The following KIF13A variants were observed in gnomAD, a reference collection of about 807,000 sequenced individuals.
The protein encoded by KIF13A is kinesin-like protein KIF13A.
In KIF13A, 79 loss-of-function variants were observed where a neutral mutation model predicts 212.2. That is an observed-to-expected ratio of 0.37 (90% confidence interval 0.31 to 0.45). The LOEUF (loss-of-function observed/expected upper bound fraction) is 0.45. Ranked by LOEUF, KIF13A falls within the 20% of genes least tolerant of loss-of-function variation. KIF13A has a pLI of 1.00. For synonymous variants in KIF13A, 789 were observed against 808.6 expected, an observed-to-expected ratio of 0.98 and a Z score of 0.41; for missense variants, 1,901 against 2,209.0, an observed-to-expected ratio of 0.86 and a Z score of 2.79.
rs557066417 is a variant in KIF13A at position 17,775,849 on chromosome 6, AT to A, written c.4171-788del. On this transcript the variant is annotated intron_variant, in intron 34 of 38. Coordinates refer to ENST00000259711, the MANE Select transcript of KIF13A (RefSeq NM_022113.6). ...TGATCAGATTGAGGTTGAAAAAAAT[AT>A]TTTTTTTTTTAGATTACTTCATAAG... Among the ~76,000 whole-genome samples, 83 of 147,728 alleles carry A rather than the reference AT, an allele frequency of 5.6e-4. 1 individual carries two copies. In the South Asian group the frequency reaches 0.013, roughly 22 times the overall value.
At chr6:17,784,707 AC>A (rs1472628933) in intron 28 of KIF13A, among the ~76,000 whole-genome samples, 1 of 152,122 alleles carries the variant, frequency 6.6e-6, no homozygotes, top group East Asian at 1.9e-4. Context: ...GAGGGCCAGA[AC>A]AAGATTGGGG....
chr6:17,983,591 C>G (rs1781294338), intron 2 of KIF13A, among the ~76,000 whole-genome samples: 1 of 151,842 alleles, frequency 6.6e-6, no homozygotes, highest in Non-Finnish European at 1.5e-5. Context: ...CGCCAAGGCT[C>G]AGGCGATTCT....
rs538187688 is a variant in KIF13A, at chr6:17,848,754, G to C, written c.830+623C>G. Among the ~76,000 whole-genome samples the C allele has an allele frequency of 6.5e-4, 98 of 151,626 alleles. 3 individuals are homozygous for C. The Middle Eastern group carries it at 0.017, about 26-fold the overall frequency. On this transcript the variant is annotated intron_variant, in intron 9 of 38. Transcript: ENST00000259711. ...CTAATTTTTGTGTTTTAGTAGAGAGGGGGTAGAGATGGGTACAAACGGGGT... is the reference window on the plus strand; with the variant it reads ...CTAATTTTTGTGTTTTAGTAGAGAGCGGGTAGAGATGGGTACAAACGGGGT...
intron 2 of KIF13A, among the ~76,000 whole-genome samples, chr6:17,970,341 C>A (rs933584249): frequency 2.7e-5 from 4 of 147,386 alleles, no homozygotes; most frequent in African/African-American, 1.0e-4. Flanking sequence ...GTGACTCATG[C>A]CTGTAATCCC....
rs1766753077 is a variant in KIF13A at position 17,843,825 on chromosome 6, A to T, written c.830+5552T>A. On this transcript the variant is annotated intron_variant, in intron 9 of 38. Coordinates refer to ENST00000259711, the MANE Select transcript of KIF13A (RefSeq NM_022113.6). The surrounding 1 kb of genome is among the most constrained non-coding windows in gnomAD (Gnocchi z 5.3). Reference sequence around the variant, plus strand: ...TTTTGGAGGCCGAGGGGGGCACATCACCTGAGGTCAGGAGTTTGAGACCAG... The same window carrying T: ...TTTTGGAGGCCGAGGGGGGCACATCTCCTGAGGTCAGGAGTTTGAGACCAG... Among the ~76,000 whole-genome samples, 1 of 152,110 alleles carries T rather than the reference A, an allele frequency of 6.6e-6. No homozygotes were observed. The highest frequency in any genetic ancestry group is 1.5e-5 in the Non-Finnish European group (1 of 68,024).
At chr6:17,905,100 T>C (rs182459784) in intron 2 of KIF13A, among the ~76,000 whole-genome samples, 48 of 152,356 alleles carry the variant, frequency 3.2e-4, no homozygotes, top group Middle Eastern at 3.4e-3. Flanking sequence ...CAAACTTTCT[T>C]AAAACATTAT....
intron 2 of KIF13A, among the ~76,000 whole-genome samples, chr6:17,944,210 C>T (rs1201887291): frequency 6.6e-6 from 1 of 152,158 alleles, no homozygotes; most frequent in Non-Finnish European, 1.5e-5. Context: ...TGATTCAATG[C>T]TTTATGTAAC....
chr6:17,801,067 C>T (rs1762436321), intron 20 of KIF13A, among the ~76,000 whole-genome samples: 1 of 151,886 alleles, frequency 6.6e-6, no homozygotes, highest in African/African-American at 2.4e-5. Flanking sequence ...CTCACCTATT[C>T]ATGTGAGTGA....
At chr6:17,823,977 A>T (rs1337479675) in intron 16 of KIF13A, among the ~76,000 whole-genome samples, 2 of 141,380 alleles carry the variant, frequency 1.4e-5, no homozygotes, top group Non-Finnish European at 1.5e-5. Flanking sequence ...CAGTGATGCG[A>T]TCTTGGCTCA....
At position 17,838,776 on chromosome 6, in the gene KIF13A, G is replaced by C. The variant is rs1199243926; in HGVS notation, c.831-1193C>G. Among the ~76,000 whole-genome samples, 1 of 152,158 alleles carries C rather than the reference G, an allele frequency of 6.6e-6. No homozygotes were observed. ...GAATGGACAATGGAGACTTGGAAGG[G>C]TGAGGGAGTGGAAGGGGAGAGGATG... is the stretch of plus-strand genomic sequence containing the variant. On this transcript the variant is annotated intron_variant, in intron 9 of 38. Coordinates refer to ENST00000259711, the MANE Select transcript of KIF13A (RefSeq NM_022113.6). The surrounding 1 kb of genome is among the most constrained non-coding windows in gnomAD (Gnocchi z 4.2).
intron 34 of KIF13A, 38 bp from the exon 35 acceptor site, chr6:17,775,100 T>A: frequency 6.5e-7 from 1 of 1,537,304 alleles, no homozygotes; most frequent in Non-Finnish European, 8.9e-7. Context: ...GTGGTTTATA[T>A]ATTTAATATA....
chr6:17,987,266 C>A lies in KIF13A; in HGVS notation c.56-122G>T. ...GCGGCCGAGCCTGGAGACGGCGCCC[C>A]GGGCACCACGGCCAGCGCGGACGCC... On this transcript the variant is annotated intron_variant, in intron 1 of 38. Coordinates refer to ENST00000259711, the MANE Select transcript of KIF13A (RefSeq NM_022113.6). The surrounding 1 kb of genome is among the most constrained non-coding windows in gnomAD (Gnocchi z 7.7). 1.2e-6 allele frequency: 1 copy of A among 855,656 alleles called. No individual in the cohort carries two copies. The highest frequency in any genetic ancestry group is 5.0e-5 in the South Asian group (1 of 19,958). The allele number at this position is 855,656 out of a possible 1,614,324, so 53.0% of individuals were successfully genotyped here.
intron 2 of KIF13A, among the ~76,000 whole-genome samples, chr6:17,938,978 A>T (rs565157462): frequency 6.6e-6 from 1 of 152,208 alleles, no homozygotes; most frequent in African/African-American, 2.4e-5. Context: ...ATGATGGTAA[A>T]GAGATGAGTC....
At position 17,792,083 on chromosome 6, in the gene KIF13A, A is replaced by G. The variant is rs1389938018; in HGVS notation, c.3222+2166T>C. Among the ~76,000 whole-genome samples, 7 of 150,026 alleles carry G rather than the reference A, an allele frequency of 4.7e-5. No homozygotes were observed. In the Admixed American group the frequency reaches 4.7e-4, roughly 10 times the overall value. On this transcript the variant is annotated intron_variant, in intron 25 of 38. Coordinates refer to ENST00000259711, the MANE Select transcript of KIF13A (RefSeq NM_022113.6). Reference sequence around the variant, plus strand: ...ACAGGTGCGTTGGCAGGTGCCCGTAATCCCAGCTACTCTGGAGACTGAGGC... The same window carrying G: ...ACAGGTGCGTTGGCAGGTGCCCGTAGTCCCAGCTACTCTGGAGACTGAGGC...
At chr6:17,907,607 G>A (rs1448053759) in intron 2 of KIF13A, among the ~76,000 whole-genome samples, 7 of 151,392 alleles carry the variant, frequency 4.6e-5, no homozygotes, top group Non-Finnish European at 1.5e-5. Flanking sequence ...GGCTGCAAAC[G>A]ACTACTTCCT....
At chr6:17,854,543 ATAATTTT>A (rs1767963909) in intron 6 of KIF13A, among the ~76,000 whole-genome samples, 6 of 131,566 alleles carry the variant, frequency 4.6e-5, no homozygotes, top group African/African-American at 1.7e-4. Flanking sequence ...TTAAATCAGT[ATAATTTT>A]TTTTTTTTTT....
At chr6:17,907,045 G>A (rs1445206577) in intron 2 of KIF13A, among the ~76,000 whole-genome samples, 1 of 152,200 alleles carries the variant, frequency 6.6e-6, no homozygotes, top group African/African-American at 2.4e-5. Flanking sequence ...GTATATGTCT[G>A]TGAATTGAAA....
Position 17,828,100 on chromosome 6 carries a change from C to T in KIF13A, c.1532+140G>A, listed in dbSNP as rs1264109544. On this transcript the variant is annotated intron_variant, in intron 14 of 38. Transcript: ENST00000259711. This position sits in a 1 kb window ranked among gnomAD's most constrained non-coding sequence, Gnocchi z 4.3. ...ACTCCTTCACAGTAATCACTCTCTA[C>T]AATCAGAAAGCAAGGGCCCCCTGAG... 1.0e-5 allele frequency: 7 copies of T among 684,218 alleles called. No individual in the cohort carries two copies. The highest frequency in any genetic ancestry group is 1.7e-5 in the Non-Finnish European group (7 of 420,584). The allele number at this position is 684,218 out of a possible 1,614,324, so 42.4% of individuals were successfully genotyped here.
chr6:17,841,897 G>A (rs1395082720), intron 9 of KIF13A, among the ~76,000 whole-genome samples: 1 of 151,806 alleles, frequency 6.6e-6, no homozygotes, highest in African/African-American at 2.4e-5. Flanking sequence ...AAAGTTCAAC[G>A]TCTGAAAGGC....
Sources: allele counts gnomAD v4.1 joint callset (sites outside exome capture counted in the v4.1 genomes callset), GRCh38; gene constraint gnomAD v4.1.1; non-coding constraint Gnocchi (gnomAD v3.1); transcripts MANE v1.5; gene names NCBI Gene and HGNC (gene_info 2026-07-23, HGNC 2026-07-21).